Variants in CHMP3 observed in about 807,000 individuals in gnomAD.
CHMP3 encodes the protein charged multivesicular body protein 3.
A neutral mutation model predicts 27.4 loss-of-function variants in CHMP3; 8 were observed. The observed-to-expected ratio is 0.29, with a 90% CI of 0.17 to 0.53. The LOEUF is 0.53. CHMP3 is among the 20% of genes least tolerant of loss of function. The pLI, the probability that CHMP3 is intolerant of heterozygous loss-of-function variation, is 0.96. For missense variants in CHMP3, 208 were observed against 271.5 expected, an observed-to-expected ratio of 0.77 and a Z score of 1.64; for synonymous variants, 86 against 85.5, an observed-to-expected ratio of 1.01 and a Z score of -0.03.
At chr2:86,537,970 A>G (rs1014282405) in intron 2 of CHMP3, among the ~76,000 whole-genome samples, 2 of 152,250 alleles carry the variant, frequency 1.3e-5, no homozygotes, top group African/African-American at 4.8e-5. Context: ...CTGTACATCC[A>G]TCTTCAGAGC....
chr2:86,529,600 T>C (rs1468075829), intron 2 of CHMP3, among the ~76,000 whole-genome samples: 2 of 152,204 alleles, frequency 1.3e-5, no homozygotes, highest in East Asian at 3.8e-4. Flanking sequence ...CTATTATACT[T>C]GAATTTCTAA....
In CHMP3 at chr2:86,503,519, T is replaced by C. The variant is rs1351856131; in HGVS notation, c.*2285A>G. On this transcript the variant is annotated 3_prime_UTR_variant, in exon 6 of 6. Transcript: ENST00000263856. ...CCTGCACAAAGATGTTTACAACAGC[T>C]TTATTCATAATTGCCAAAACTTGGA... The C allele has an allele frequency of 6.6e-6, 1 of 152,204 alleles. No homozygotes were observed. The highest frequency in any genetic ancestry group is 2.4e-5 in the African/African-American group (1 of 41,446). The allele number at this position is 152,204 out of a possible 1,614,324, so 9.4% of individuals were successfully genotyped here.
chr2:86,522,181 T>A (rs531239452), intron 3 of CHMP3, among the ~76,000 whole-genome samples: 1 of 152,234 alleles, frequency 6.6e-6, no homozygotes, highest in Admixed American at 6.5e-5. Context: ...TAGGGGAACA[T>A]CTTAAGAAAG....
chr2:86,560,684 A>G (rs934525946), intron 1 of CHMP3, among the ~76,000 whole-genome samples: 2 of 151,640 alleles, frequency 1.3e-5, no homozygotes, highest in African/African-American at 4.9e-5. Flanking sequence ...TGCACATGTA[A>G]CCCAGAACTT....
chr2:86,529,590 C>T (rs968897027), intron 2 of CHMP3, among the ~76,000 whole-genome samples, 193 bp from the exon 3 acceptor site: 2 of 152,098 alleles, frequency 1.3e-5, no homozygotes. Context: ...AAGTACGATC[C>T]TATTATACTT....
At chr2:86,552,936 A>G (rs1185835715) in intron 1 of CHMP3, among the ~76,000 whole-genome samples, 1 of 151,672 alleles carries the variant, frequency 6.6e-6, no homozygotes, top group African/African-American at 2.4e-5. Context: ...GTTCTCGCTT[A>G]TAAGTGGGAG....
Position 86,504,127 on chromosome 2 carries a change from T to C in CHMP3, c.*1677A>G, listed in dbSNP as rs1353512244. On this transcript the variant is annotated 3_prime_UTR_variant, in exon 6 of 6. Coordinates refer to ENST00000263856, the MANE Select transcript of CHMP3 (RefSeq NM_016079.4). Reference sequence around the variant, plus strand: ...AAGAAAGGGATGAACAGGTGAAGCATAGAGAAGTTTTAGGGCAGTGAAACT... The same window carrying C: ...AAGAAAGGGATGAACAGGTGAAGCACAGAGAAGTTTTAGGGCAGTGAAACT... 1.3e-5 allele frequency: 2 copies of C among 152,168 alleles called. No homozygotes were observed. The highest frequency in any genetic ancestry group is 2.9e-5 in the Non-Finnish European group (2 of 68,036). 9.4% of individuals were successfully genotyped at this position (152,168 alleles called of 1,614,324 possible).
intron 4 of CHMP3, 89 bp downstream of exon 4, chr2:86,510,269 T>TCCCCCCCCCC: frequency 7.3e-6 from 10 of 1,369,578 alleles, no homozygotes; most frequent in Non-Finnish European, 9.0e-6. Flanking sequence ...AGTCTGTTCA[T>TCCCCCCCCCC]CCCCACCCAC....
Position 86,534,268 on chromosome 2 carries a change from G to A in CHMP3, c.107-4871C>T, listed in dbSNP as rs539365128. Reference sequence around the variant, plus strand: ...GGCTGGACTGTGGTGGCACAATCTCGGCTCACTGCAACCTCCACCTCCCAG... The same window carrying A: ...GGCTGGACTGTGGTGGCACAATCTCAGCTCACTGCAACCTCCACCTCCCAG... On this transcript the variant is annotated intron_variant, in intron 2 of 5. Transcript: ENST00000263856. 5.2e-5 allele frequency among the ~76,000 whole-genome samples: 7 copies of A among 135,118 alleles called. No individual in the cohort carries two copies. The South Asian group carries it at 9.3e-4, about 18-fold the overall frequency. The allele number at this position is 135,118 out of a possible 152,430, so 88.6% of individuals were successfully genotyped here. A position where few individuals can be genotyped will look rare whatever the true frequency, so the allele number is the denominator to read the frequency against.
chr2:86,553,460 T>C (rs900008898), intron 1 of CHMP3, among the ~76,000 whole-genome samples: 1 of 152,084 alleles, frequency 6.6e-6, no homozygotes, highest in Non-Finnish European at 1.5e-5. Context: ...GCCTCCCGAG[T>C]AGCTGGGATT....
intron 1 of CHMP3, among the ~76,000 whole-genome samples, chr2:86,558,277 C>G (rs186872683): frequency 6.6e-6 from 1 of 152,312 alleles, no homozygotes. Flanking sequence ...CAGGCCCAGT[C>G]TGGTCTTTAC....
chr2:86,563,314 G>C lies in CHMP3; in HGVS notation c.35C>G (p.Pro12Arg). 3.1e-6 allele frequency: 5 copies of C among 1,614,042 alleles called. No individual in the cohort carries two copies. Among genetic ancestry groups the C allele is most frequent in the Non-Finnish European group, 4.2e-6 (5 of 1,179,940 alleles). Reference sequence around the variant, plus strand: ...CGCCGTAGCCCTTACCAGTTCTTTGGGCGGCTTCTCCTGGGTCTTTCCAAA... The same window carrying C: ...CGCCGTAGCCCTTACCAGTTCTTTGCGCGGCTTCTCCTGGGTCTTTCCAAA... ...GLFGKTQEKP[P>R]KELVNEWSLK... The change falls in exon 1 of 6, where the codon CCC becomes CGC. Residue 12 changes from proline (P) to arginine (R), a missense_variant. By Grantham distance (103) the Pro-to-Arg change is moderately radical. Transcript: ENST00000263856.
At chr2:86,532,862 A>G (rs990760769) in intron 2 of CHMP3, among the ~76,000 whole-genome samples, 2 of 152,180 alleles carry the variant, frequency 1.3e-5, no homozygotes, top group Non-Finnish European at 2.9e-5. Context: ...TTTTTGCACC[A>G]ATGTTCATAA....
intron 2 of CHMP3, among the ~76,000 whole-genome samples, chr2:86,539,380 G>A (rs895361017): frequency 3.9e-5 from 6 of 152,054 alleles, no homozygotes; most frequent in Non-Finnish European, 5.9e-5. Flanking sequence ...AGTTTACTAA[G>A]GACAGGTGAT....
chr2:86,515,812 CTCTTT>C (rs565350905), intron 3 of CHMP3, among the ~76,000 whole-genome samples: 15 of 152,134 alleles, frequency 9.9e-5, no homozygotes, highest in Non-Finnish European at 2.2e-4. Flanking sequence ...AATATGTTTT[CTCTTT>C]TCTTTTTTGT....
chr2:86,508,995 A>G (rs569177077), intron 4 of CHMP3, among the ~76,000 whole-genome samples: 3 of 152,336 alleles, frequency 2.0e-5, no homozygotes, highest in African/African-American at 7.2e-5. Flanking sequence ...TCATTCAATC[A>G]GCAACGATTC....
intron 1 of CHMP3, among the ~76,000 whole-genome samples, chr2:86,545,774 G>A (rs1676564903): frequency 6.9e-6 from 1 of 144,810 alleles, no homozygotes; most frequent in African/African-American, 2.6e-5. Context: ...GACGATGGGT[G>A]GCCGGGCAGA....
At chr2:86,542,860 T>C (rs1310232987) in intron 1 of CHMP3, 1 of 152,186 alleles carries the variant, frequency 6.6e-6, no homozygotes, top group East Asian at 1.9e-4. Context: ...CTGGTGGAGG[T>C]GTTGAGAAAG....
intron 3 of CHMP3, among the ~76,000 whole-genome samples, chr2:86,516,040 C>T (rs1675288595): frequency 6.7e-6 from 1 of 149,570 alleles, no homozygotes; most frequent in African/African-American, 2.5e-5. Context: ...CCCAGCTACT[C>T]AGGAGGCTGA....
Sources: gnomAD v4.1 joint callset for allele counts (sites outside exome capture counted in the v4.1 genomes callset) on GRCh38, gnomAD v4.1.1 for gene constraint, MANE v1.5 for transcripts, NCBI Gene and HGNC (gene_info 2026-07-23, HGNC 2026-07-21) for gene names.